PHIP: variants seen among roughly 807,000 people sequenced by gnomAD.
PHIP encodes PHIP subunit of CUL4-Ring ligase complex.
A neutral mutation model predicts 236.8 loss-of-function variants in PHIP; 54 were observed. The ratio of observed to expected loss-of-function variants is 0.23; its 90% CI spans 0.18 to 0.29. The LOEUF (loss-of-function observed/expected upper bound fraction) is 0.29. Among genes scored for constraint, PHIP ranks in the 10% least tolerant of loss-of-function variants. The pLI, the probability that PHIP is intolerant of heterozygous loss-of-function variation, is 1.00. For missense variants in PHIP, 1,370 were observed against 2,190.8 expected (o/e 0.63, Z 7.48); for synonymous variants, 756 against 718.9 (o/e 1.05, Z -0.83).
At chr6:78,969,316 T>C (rs899152560) in intron 27 of PHIP, among the ~76,000 whole-genome samples, 1 of 152,202 alleles carries the variant, frequency 6.6e-6, no homozygotes, top group African/African-American at 2.4e-5. Flanking sequence ...ACACTGGTCC[T>C]ATATGAAATT....
chr6:79,073,496 A>G (rs2127781528), intron 4 of PHIP, among the ~76,000 whole-genome samples: 1 of 152,186 alleles, frequency 6.6e-6, no homozygotes, highest in East Asian at 1.9e-4. Flanking sequence ...AATTATAATA[A>G]TCAAGTGTTG....
chr6:78,955,752 G>T, intron 32 of PHIP, 70 bp from the exon 33 acceptor site: 3 of 588,976 alleles, frequency 5.1e-6, no homozygotes, highest in South Asian at 2.4e-5. Context: ...AAATTTGTTC[G>T]TAAAACCATA....
At chr6:78,995,191 T>A (rs776337422) in intron 19 of PHIP, among the ~76,000 whole-genome samples, 1 of 152,222 alleles carries the variant, frequency 6.6e-6, no homozygotes, top group Non-Finnish European at 1.5e-5. Context: ...ACCCATTGTA[T>A]CAATATGCTG....
At chr6:79,046,386 T>C (rs1772486960) in intron 6 of PHIP, among the ~76,000 whole-genome samples, 1 of 152,196 alleles carries the variant, frequency 6.6e-6, no homozygotes, top group South Asian at 2.1e-4. Flanking sequence ...TCCCCTTTTA[T>C]TCAGCTTTAT....
chr6:79,059,352 A>G (rs1488219529), intron 6 of PHIP, among the ~76,000 whole-genome samples: 2 of 151,686 alleles, frequency 1.3e-5, no homozygotes, highest in Non-Finnish European at 2.9e-5. Context: ...ATCAAGACAT[A>G]TCATACTCAA....
At chr6:79,048,501 C>A (rs9361484) in intron 6 of PHIP, among the ~76,000 whole-genome samples, 67,963 of 151,356 alleles carry the variant, frequency 0.45, 15,855 homozygotes, top group East Asian at 0.69. Flanking sequence ...TACCTCCCTA[C>A]AAAATGTTTA....
chr6:79,035,560 C>G (rs67903175), intron 7 of PHIP, among the ~76,000 whole-genome samples: 14,636 of 152,174 alleles, frequency 0.096, 739 homozygotes, highest in Middle Eastern at 0.19. Context: ...GAGAATTTGG[C>G]ATTCCTTGAA....
intron 7 of PHIP, among the ~76,000 whole-genome samples, chr6:79,029,678 C>T (rs1262044749): frequency 6.6e-6 from 1 of 151,946 alleles, no homozygotes; most frequent in Admixed American, 6.5e-5. Context: ...TACAGATGTG[C>T]ACCACTACAC....
chr6:78,998,156 C>T (rs138089494), intron 18 of PHIP, 98 bp downstream of exon 18: 14 of 827,058 alleles, frequency 1.7e-5, no homozygotes, highest in East Asian at 7.8e-5. Flanking sequence ...TTTCATTTTA[C>T]GGATGTACCA....
chr6:79,037,331 T>C (rs977147763), intron 7 of PHIP, among the ~76,000 whole-genome samples: 2 of 152,160 alleles, frequency 1.3e-5, no homozygotes, highest in African/African-American at 4.8e-5. Flanking sequence ...CCAGGTCATA[T>C]TATCTTTTAC....
At position 79,025,608 on chromosome 6, in the gene PHIP, C is replaced by A. The variant is rs1322914213; in HGVS notation, c.834G>T (p.Leu278Phe). Reference sequence around the variant, plus strand: ...ATAGATATCTCTTTGAGCCACTGCACAATGGTGAGAACTGAAAAGACAATC... The same window carrying A: ...ATAGATATCTCTTTGAGCCACTGCAAAATGGTGAGAACTGAAAAGACAATC... ...ASITSLQFSP[L>F]CSGSKRYLSS... The change falls in exon 9 of 40, where the codon TTG (leucine) becomes TTT (phenylalanine). Residue 278 changes from leucine (L) to phenylalanine (F), a missense_variant. Physicochemically the swap from Leu to Phe is conservative, Grantham distance 22. Around this residue, in one of 14 missense-constraint regions of PHIP, gnomAD observed 188 missense variants for 354.3 expected, o/e 0.53. Coordinates refer to ENST00000275034, the MANE Select transcript of PHIP (RefSeq NM_017934.7). The A allele has an allele frequency of 6.2e-7, 1 of 1,600,256 alleles. No homozygotes were observed.
intron 22 of PHIP, among the ~76,000 whole-genome samples, chr6:78,983,735 C>T (rs1023464202): frequency 6.6e-6 from 1 of 152,096 alleles, no homozygotes; most frequent in African/African-American, 2.4e-5. Flanking sequence ...TACCTACCTA[C>T]ACCCTACACG....
chr6:78,958,653 G>A, intron 31 of PHIP, 53 bp from the exon 32 acceptor site: 1 of 1,077,094 alleles, frequency 9.3e-7, no homozygotes, highest in Non-Finnish European at 1.4e-6. Context: ...AGAAATATGT[G>A]TACATCATTT....
intron 36 of PHIP, among the ~76,000 whole-genome samples, chr6:78,947,137 G>C (rs952580131): frequency 2.6e-5 from 4 of 152,096 alleles, no homozygotes; most frequent in Non-Finnish European, 5.9e-5. Flanking sequence ...GGCTCATACA[G>C]ACAAAACTTA....
At position 78,938,316 on chromosome 6, in the gene PHIP, A is replaced by G. The variant is rs1773347795; in HGVS notation, c.*2377T>C. On this transcript the variant is annotated 3_prime_UTR_variant, in exon 40 of 40. Transcript: ENST00000275034. Reference sequence around the variant, plus strand: ...GAATAATACATTTACATGTTATAGGAAAGATGGTAAATACTCATTTCTTTG... The same window carrying G: ...GAATAATACATTTACATGTTATAGGGAAGATGGTAAATACTCATTTCTTTG... The G allele has an allele frequency of 6.6e-6, 1 of 151,648 alleles. No individual in the cohort carries two copies. The highest frequency in any genetic ancestry group is 2.4e-5 in the African/African-American group (1 of 41,414). The allele number at this position is 151,648 out of a possible 1,614,324, so 9.4% of individuals were successfully genotyped here. A position where few individuals can be genotyped will look rare whatever the true frequency, so the allele number is the denominator to read the frequency against.
intron 4 of PHIP, chr6:79,067,683 CT>C (rs547801869): frequency 2.6e-5 from 4 of 152,690 alleles, no homozygotes; most frequent in East Asian, 3.9e-4. Flanking sequence ...TTACCACCCC[CT>C]GATCGAAAGA....
At chr6:79,033,865 C>T (rs1771789939) in intron 7 of PHIP, among the ~76,000 whole-genome samples, 1 of 152,284 alleles carries the variant, frequency 6.6e-6, no homozygotes, top group African/African-American at 2.4e-5. Context: ...ACCTGAGACT[C>T]TTCCTCTCAC....
At chr6:78,989,025 A>G (rs1769044957) in intron 20 of PHIP, among the ~76,000 whole-genome samples, 1 of 152,180 alleles carries the variant, frequency 6.6e-6, no homozygotes, top group South Asian at 2.1e-4. Context: ...AAACACTAAA[A>G]AACTGATAAA....
In PHIP at chr6:78,969,929, CAG is replaced by C; in HGVS notation, c.3123-14_3123-13del. On this transcript the variant is annotated splice_polypyrimidine_tract_variant and intron_variant, in intron 26 of 39. Transcript: ENST00000275034. ...GCATATCATGGTATCTAATTACAAA[CAG>C]AAACAAATTGATTAGGTCACATACC... is the stretch of plus-strand genomic sequence containing the variant. 6.3e-7 allele frequency: 1 copy of C among 1,581,642 alleles called. No individual in the cohort carries two copies. The highest frequency in any genetic ancestry group is 8.6e-7 in the Non-Finnish European group (1 of 1,158,170).
Sources: allele counts gnomAD v4.1 joint callset (sites outside exome capture counted in the v4.1 genomes callset), GRCh38; gene constraint gnomAD v4.1.1; regional missense constraint gnomAD v4.1.1; transcripts MANE v1.5; gene names NCBI Gene and HGNC (gene_info 2026-07-23, HGNC 2026-07-21).